Variants in RASA2 observed in about 807,000 individuals in gnomAD.
RASA2 encodes the protein RAS p21 protein activator 2, also known as ras GTPase-activating protein 2.
RASA2 carries 155 observed loss-of-function variants against 118.2 expected under a neutral mutation model. The ratio of observed to expected loss-of-function variants is 1.31; its 90% confidence interval spans 1.15 to 1.50. RASA2 has a LOEUF of 1.50. Among genes scored for constraint, RASA2 ranks in the 40% most tolerant of loss-of-function variants. The pLI is 0.00. For missense variants in RASA2, 1,016 were observed against 1,009.6 expected (o/e 1.01, Z -0.09); for synonymous variants, 353 against 349.1 (o/e 1.01, Z -0.12).
Position 141,512,214 on chromosome 3 carries a change from G to C in RASA2, c.185G>C (p.Cys62Ser). ...CTTGGACCCCACAAAATGAGAGATT[G>C]TTTCTGTACCATAAATTTGGACCAG... ...PYLGPHKMRD[C>S]FCTINLDQEE... The change falls in exon 2 of 24, where the codon TGT becomes TCT. Residue 62 changes from cysteine to serine, a missense_variant. Cys to Ser is a moderately radical substitution (Grantham distance 112, BLOSUM62 -1). Transcript: ENST00000286364. 6.2e-7 allele frequency: 1 copy of C among 1,602,478 alleles called. No individual in the cohort carries two copies. The highest frequency in any genetic ancestry group is 8.5e-7 in the Non-Finnish European group (1 of 1,177,162).
chr3:141,552,120 G>T (rs1168275589), intron 5 of RASA2, among the ~76,000 whole-genome samples: 1 of 152,110 alleles, frequency 6.6e-6, no homozygotes, highest in Non-Finnish European at 1.5e-5. Context: ...TCTGTAGGGT[G>T]CACTTCTGGT....
intron 17 of RASA2, among the ~76,000 whole-genome samples, chr3:141,585,408 G>A (rs1300294865): frequency 2.0e-5 from 3 of 152,136 alleles, no homozygotes; most frequent in African/African-American, 7.2e-5. Context: ...TAAAAACTTT[G>A]TATTCAGAAT....
intron 13 of RASA2, among the ~76,000 whole-genome samples, chr3:141,573,472 A>G (rs1229307948): frequency 4.6e-5 from 7 of 152,314 alleles, no homozygotes; most frequent in African/African-American, 1.4e-4. Flanking sequence ...AACTTAAGCT[A>G]TAGCTAGTTG....
intron 1 of RASA2, among the ~76,000 whole-genome samples, chr3:141,510,840 A>G (rs2081940363): frequency 6.6e-6 from 1 of 152,194 alleles, no homozygotes; most frequent in Non-Finnish European, 1.5e-5. Context: ...GGCTTTGTAG[A>G]CTGTGGTATA....
At chr3:141,596,739 A>G (rs1182102202) in intron 19 of RASA2, among the ~76,000 whole-genome samples, 1 of 152,216 alleles carries the variant, frequency 6.6e-6, no homozygotes, top group Non-Finnish European at 1.5e-5. Flanking sequence ...TAAAACCACA[A>G]TGAGATACCA....
At position 141,580,464 on chromosome 3, in the gene RASA2, A is replaced by G. The variant is rs747870048; in HGVS notation, c.1674+13A>G. 4 of 1,566,430 alleles carry G rather than the reference A, an allele frequency of 2.6e-6. No homozygotes were observed. The South Asian group carries it at 3.4e-5, about 13-fold the overall frequency. On this transcript the variant is annotated intron_variant, in intron 16 of 23. Transcript: ENST00000286364. ...GTCCAAAAGCAAGGTAAGTCCTTAC[A>G]TCTTTTATTTTGTTTTTACACTTCT... is the stretch of plus-strand genomic sequence containing the variant.
intron 17 of RASA2, among the ~76,000 whole-genome samples, chr3:141,584,478 A>G (rs1457007164): frequency 6.6e-6 from 1 of 152,140 alleles, no homozygotes; most frequent in Non-Finnish European, 1.5e-5. Context: ...GTTTTTCACT[A>G]GCTGACTTGG....
intron 1 of RASA2, among the ~76,000 whole-genome samples, chr3:141,492,050 A>G (rs2081645432): frequency 6.6e-6 from 1 of 152,360 alleles, no homozygotes; most frequent in Middle Eastern, 3.4e-3. Context: ...TTTCAGATGG[A>G]TAGAAACTGG....
chr3:141,528,161 ATTTTTT>A, intron 3 of RASA2, among the ~76,000 whole-genome samples: 1 of 151,936 alleles, frequency 6.6e-6, no homozygotes, highest in Admixed American at 6.6e-5. Context: ...TACCACTCGT[ATTTTTT>A]TAATACAGTT....
chr3:141,521,231 A>G (rs890664225), intron 3 of RASA2, among the ~76,000 whole-genome samples: 2 of 152,312 alleles, frequency 1.3e-5, no homozygotes, highest in East Asian at 3.9e-4. Flanking sequence ...GGAATGAACG[A>G]AATTACCTGG....
intron 7 of RASA2, among the ~76,000 whole-genome samples, chr3:141,557,781 AGAGAATG>A (rs748840197): frequency 2.0e-5 from 3 of 152,168 alleles, no homozygotes; most frequent in Non-Finnish European, 4.4e-5. Context: ...CAGATAAAAG[AGAGAATG>A]CAAAGGGCAA....
intron 5 of RASA2, among the ~76,000 whole-genome samples, chr3:141,541,030 T>C (rs546568902): frequency 1.6e-4 from 24 of 152,228 alleles, no homozygotes; most frequent in African/African-American, 5.3e-4. Context: ...TTTTTACCTC[T>C]TCCACCCTCA....
intron 23 of RASA2, 135 bp downstream of exon 23, chr3:141,610,201 C>G (rs2083616282): frequency 3.2e-6 from 2 of 621,730 alleles, no homozygotes; most frequent in Non-Finnish European, 5.0e-6. Flanking sequence ...GTGCAAGTTT[C>G]CCTGGCCACT....
chr3:141,586,239 C>T (rs1383552322), intron 18 of RASA2, 141 bp downstream of exon 18: 1 of 675,470 alleles, frequency 1.5e-6, no homozygotes, highest in Non-Finnish European at 2.4e-6. Context: ...GGTAAGTCGC[C>T]TTTACTGTCC....
intron 21 of RASA2, 80 bp downstream of exon 21, chr3:141,608,777 A>G: frequency 7.0e-7 from 1 of 1,425,514 alleles, no homozygotes; most frequent in Non-Finnish European, 9.7e-7. Flanking sequence ...TGTCCATGAA[A>G]AGGAATGACA....
chr3:141,508,368 G>A (rs571925382), intron 1 of RASA2, among the ~76,000 whole-genome samples: 2 of 151,850 alleles, frequency 1.3e-5, no homozygotes, highest in East Asian at 3.9e-4. Context: ...TAATATTAGT[G>A]GTTTTTTGGG....
intron 7 of RASA2, among the ~76,000 whole-genome samples, chr3:141,556,982 A>G (rs1276459146): frequency 6.6e-6 from 1 of 152,180 alleles, no homozygotes; most frequent in Non-Finnish European, 1.5e-5. Context: ...ACGTTTATTA[A>G]TGGCGGTTGC....
intron 1 of RASA2, among the ~76,000 whole-genome samples, chr3:141,505,774 T>TTGTGTGTG (rs35375776): frequency 6.6e-5 from 10 of 150,682 alleles, no homozygotes; most frequent in South Asian, 2.1e-4. Flanking sequence ...GTCTCTGTGT[T>TTGTGTGTG]TGTGTGTGTG....
intron 19 of RASA2, among the ~76,000 whole-genome samples, chr3:141,599,335 G>GGACATT (rs2083427296): frequency 6.7e-6 from 1 of 149,310 alleles, no homozygotes; most frequent in Non-Finnish European, 1.5e-5. Flanking sequence ...GGCTTTTTTG[G>GGACATT]GACTACAGTC....
Sources: allele counts gnomAD v4.1 joint callset (sites outside exome capture counted in the v4.1 genomes callset), GRCh38; gene constraint gnomAD v4.1.1; transcripts MANE v1.5; gene names NCBI Gene and HGNC (gene_info 2026-07-23, HGNC 2026-07-21).